Variants in DNAH7 observed in about 807,000 individuals in gnomAD.
DNAH7 encodes the protein dynein axonemal heavy chain 7, also known as axonemal beta dynein heavy chain 7.
A neutral mutation model predicts 444.6 loss-of-function variants in DNAH7; 397 were observed. The ratio of observed to expected loss-of-function variants is 0.89; its 90% CI spans 0.82 to 0.97. The LOEUF (loss-of-function observed/expected upper bound fraction) is 0.97, where lower values mean the gene tolerates loss of function less well. DNAH7 is among the 50% of genes least tolerant of loss of function. The probability of loss-of-function intolerance (pLI) is 0.00; values close to 1 mark genes in which losing one functional copy is unlikely to be tolerated. For synonymous variants in DNAH7, 1,636 were observed against 1,624.4 expected, an observed-to-expected ratio of 1.01 and a Z score of -0.17; for missense variants, 4,902 against 4,800.8, an observed-to-expected ratio of 1.02 and a Z score of -0.62.
At chr2:196,063,695 ACT>A (rs1328163521) in intron 1 of DNAH7, 1 of 152,068 alleles carries the variant, frequency 6.6e-6, no homozygotes, top group African/African-American at 2.4e-5. Flanking sequence ...GTTGATCCCG[ACT>A]CTCTCCTTCA....
chr2:195,769,104 T>C (rs1333059576), intron 61 of DNAH7, among the ~76,000 whole-genome samples: 2 of 152,118 alleles, frequency 1.3e-5, no homozygotes, highest in African/African-American at 4.8e-5. Context: ...TTCCTCAAAT[T>C]AGTGAAATAT....
intron 51 of DNAH7, among the ~76,000 whole-genome samples, chr2:195,812,606 T>C (rs1198018440): frequency 6.6e-6 from 1 of 152,224 alleles, no homozygotes; most frequent in Non-Finnish European, 1.5e-5. Context: ...GTATATACCA[T>C]ACTAGTCGTA....
Position 195,946,336 on chromosome 2 carries a change from C to T in DNAH7, c.3079-9544G>A, listed in dbSNP as rs562586360. Among the ~76,000 whole-genome samples, 3 of 152,156 alleles carry T rather than the reference C, an allele frequency of 2.0e-5. No homozygotes were observed. The East Asian group carries it at 5.8e-4, about 29-fold the overall frequency. The stretch of plus-strand genomic sequence containing the variant: ...ACAGTATGGGGTAAAGAGACATACA[C>T]AACAAAAATATGGCAAAATACAACA... On this transcript the variant is annotated intron_variant, in intron 19 of 64. Transcript: ENST00000312428.
chr2:196,005,313 T>A (rs910756981), intron 10 of DNAH7, among the ~76,000 whole-genome samples: 3 of 150,032 alleles, frequency 2.0e-5, no homozygotes, highest in African/African-American at 7.4e-5. Flanking sequence ...CAAAAATATA[T>A]ATATATATAT....
chr2:195,960,852 G>A lies in DNAH7; in HGVS notation c.2299C>T (p.Leu767Phe), dbSNP rs1691045077. 9 of 1,614,122 alleles carry A rather than the reference G, an allele frequency of 5.6e-6. No homozygotes were observed. The highest frequency in any genetic ancestry group is 7.6e-6 in the Non-Finnish European group (9 of 1,180,018). The change falls in exon 18 of 65, where the codon CTT becomes TTT. Residue 767 changes from leucine (L) to phenylalanine (F), a missense_variant. Coordinates refer to ENST00000312428, the MANE Select transcript of DNAH7 (RefSeq NM_018897.3). ...TCGACAGCAGTTTCATAAAGACGAA[G>A]ATAAGGGTTCAAGCCATCTTGGATT... The part of the protein sequence containing the change: ...KKIQDGLNPY[L>F]RLYETAVEFS...
chr2:195,935,218 T>C (rs898011398), intron 20 of DNAH7, among the ~76,000 whole-genome samples: 3 of 152,160 alleles, frequency 2.0e-5, no homozygotes, highest in Non-Finnish European at 2.9e-5. Flanking sequence ...TTGTGGACTA[T>C]GTTTAGTAAC....
chr2:196,045,654 T>C (rs955140257), intron 5 of DNAH7, among the ~76,000 whole-genome samples: 1 of 152,108 alleles, frequency 6.6e-6, no homozygotes, highest in African/African-American at 2.4e-5. Context: ...TTAAGGTCTT[T>C]GTGTGTTATT....
At chr2:195,901,864 TA>T (rs1686733382) in intron 27 of DNAH7, 1 of 152,178 alleles carries the variant, frequency 6.6e-6, no homozygotes, top group Non-Finnish European at 1.5e-5. Context: ...TCATGATATT[TA>T]AAATACTGAG....
In DNAH7 at chr2:195,834,222, G is replaced by A; in HGVS notation, c.9084C>T (p.Ile3028=). The stretch of plus-strand genomic sequence containing the variant: ...ACTACATACCAGGAGTACCAAACTG[G>A]ATGCAATTTTCCAGAGTCCTGACAT... ...PDYVRTLENC[I]QFGTPVLLEN... Residue 3028 remains isoleucine, a synonymous_variant, in exon 48 of 65, where the codon ATC becomes ATT. Coordinates refer to ENST00000312428, the MANE Select transcript of DNAH7 (RefSeq NM_018897.3). The A allele has an allele frequency of 6.2e-7, 1 of 1,605,546 alleles. No homozygotes were observed. Among genetic ancestry groups the A allele is most frequent in the Non-Finnish European group, 8.5e-7 (1 of 1,173,738 alleles).
intron 17 of DNAH7, among the ~76,000 whole-genome samples, chr2:195,968,300 C>T (rs1346942067): frequency 1.3e-5 from 2 of 152,098 alleles, no homozygotes; most frequent in African/African-American, 4.8e-5. Flanking sequence ...TTATTCAGGG[C>T]CTAAGGGCTC....
intron 43 of DNAH7, 130 bp from the exon 44 acceptor site, chr2:195,857,853 G>A (rs1417353442): frequency 1.3e-6 from 1 of 779,724 alleles, no homozygotes; most frequent in African/African-American, 1.8e-5. Context: ...GACAGTAATA[G>A]AACTGCACTT....
intron 1 of DNAH7, 87 bp downstream of exon 1, chr2:196,068,610 C>G: frequency 6.5e-7 from 1 of 1,528,880 alleles, no homozygotes; most frequent in Non-Finnish European, 8.8e-7. Flanking sequence ...CTGGGGAGTT[C>G]GCTAGGCAGG....
intron 21 of DNAH7, among the ~76,000 whole-genome samples, chr2:195,933,681 T>C (rs1280461693): frequency 1.5e-5 from 2 of 136,614 alleles, no homozygotes; most frequent in African/African-American, 5.6e-5. Context: ...TTCTCACTCA[T>C]AGGTGGGAAT....
At chr2:195,782,162 A>C (rs1695421046) in intron 58 of DNAH7, among the ~76,000 whole-genome samples, 1 of 152,220 alleles carries the variant, frequency 6.6e-6, no homozygotes, top group Admixed American at 6.5e-5. Flanking sequence ...TATATGAAGA[A>C]TCTACTTTAG....
intron 7 of DNAH7, among the ~76,000 whole-genome samples, chr2:196,025,813 A>C (rs1455825886): frequency 1.3e-5 from 2 of 152,168 alleles, no homozygotes; most frequent in African/African-American, 4.8e-5. Flanking sequence ...TCATAAATAC[A>C]ATGAATGTCC....
intron 24 of DNAH7, among the ~76,000 whole-genome samples, chr2:195,914,905 A>ACC (rs1001665027): frequency 3.3e-5 from 5 of 151,952 alleles, no homozygotes; most frequent in African/African-American, 1.2e-4. Flanking sequence ...CAGGTGATCC[A>ACC]CCCGCCTTGG....
chr2:195,740,615 G>GTGTATA (rs1254122900), intron 64 of DNAH7, 151 bp downstream of exon 64: 2 of 70,950 alleles, frequency 2.8e-5, no homozygotes, highest in African/African-American at 1.1e-4. Context: ...GTGTGTGTGT[G>GTGTATA]TATATATATA....
intron 47 of DNAH7, among the ~76,000 whole-genome samples, chr2:195,838,111 C>T (rs757056833): frequency 6.6e-6 from 1 of 151,946 alleles, no homozygotes. Flanking sequence ...TAATGAATGC[C>T]GAGGAGTAGA....
intron 63 of DNAH7, among the ~76,000 whole-genome samples, chr2:195,744,416 G>A (rs1693252520): frequency 6.6e-6 from 1 of 152,166 alleles, no homozygotes; most frequent in Admixed American, 6.5e-5. Context: ...TACCTCTGGG[G>A]GCAGGGCACA....
Sources: allele counts gnomAD v4.1 joint callset (sites outside exome capture counted in the v4.1 genomes callset), GRCh38; gene constraint gnomAD v4.1.1; transcripts MANE v1.5; gene names NCBI Gene and HGNC (gene_info 2026-07-23, HGNC 2026-07-21).